Variants in PTPRO observed in about 807,000 individuals in gnomAD.
PTPRO encodes the protein receptor-type tyrosine-protein phosphatase O.
In PTPRO, 62 loss-of-function variants were observed where a neutral mutation model predicts 145.2. The observed-to-expected ratio is 0.43, with a 90% CI of 0.35 to 0.53. The LOEUF (loss-of-function observed/expected upper bound fraction) is 0.53. Among genes scored for constraint, PTPRO ranks in the 20% least tolerant of loss-of-function variants. The pLI, the probability that PTPRO is intolerant of heterozygous loss-of-function variation, is 0.01. For synonymous variants in PTPRO, 565 were observed against 514.7 expected, an observed-to-expected ratio of 1.10 and a Z score of -1.32; for missense variants, 1,345 against 1,482.7, an observed-to-expected ratio of 0.91 and a Z score of 1.53.
At position 15,598,005 on chromosome 12, in the gene PTPRO, A is replaced by T. The variant is rs552473277; in HGVS notation, c.*1932A>T. On this transcript the variant is annotated 3_prime_UTR_variant, in exon 27 of 27. Transcript: ENST00000281171. ...AACACTGCTGCTCAGAGCATACAGA[A>T]GTTTTGCATCCTGGAACATTGCTTC... 1.3e-5 allele frequency among the ~76,000 whole-genome samples: 2 copies of T among 152,318 alleles called. No homozygotes were observed. The highest frequency in any genetic ancestry group is 4.2e-4 in the South Asian group (2 of 4,818).
chr12:15,584,464 T>C (rs1369846134), intron 23 of PTPRO, among the ~76,000 whole-genome samples: 2 of 151,948 alleles, frequency 1.3e-5, no homozygotes, highest in Non-Finnish European at 2.9e-5. Context: ...CAAAGAAGAG[T>C]CACATAGATT....
intron 1 of PTPRO, among the ~76,000 whole-genome samples, chr12:15,470,537 G>A (rs1449914901): frequency 6.6e-6 from 1 of 152,102 alleles, no homozygotes; most frequent in Non-Finnish European, 1.5e-5. Context: ...CTGGCAGGTT[G>A]AATTCTTTCC....
chr12:15,546,821 T>A, intron 13 of PTPRO, 113 bp downstream of exon 13: 2 of 1,445,076 alleles, frequency 1.4e-6, no homozygotes, highest in South Asian at 1.2e-5. Context: ...ACTGTTTATT[T>A]GCTCTTTTGT....
chr12:15,575,942 CT>C (rs1944176038), intron 19 of PTPRO, among the ~76,000 whole-genome samples: 1 of 152,202 alleles, frequency 6.6e-6, no homozygotes, highest in African/African-American at 2.4e-5. Flanking sequence ...TTAATTACAA[CT>C]GCAAAGACAC....
intron 12 of PTPRO, among the ~76,000 whole-genome samples, chr12:15,527,504 T>C (rs1942865930): frequency 6.6e-6 from 1 of 152,188 alleles, no homozygotes; most frequent in Non-Finnish European, 1.5e-5. Context: ...TCCCAGCAAC[T>C]CTGCTCTGTA....
Position 15,453,034 on chromosome 12 carries a change from T to C in PTPRO, c.76-30940T>C, listed in dbSNP as rs189551616. 2.9e-3 allele frequency among the ~76,000 whole-genome samples: 439 copies of C among 152,288 alleles called. 1 individual carries two copies. The highest frequency in any genetic ancestry group is 6.9e-3 in the South Asian group (33 of 4,816). ...TGAAACACACATCCCTTTTTTTTTC[T>C]TGGTAGAAGAATAAGATTTCAAATT... is the stretch of plus-strand genomic sequence containing the variant. On this transcript the variant is annotated intron_variant, in intron 1 of 26. Transcript: ENST00000281171.
chr12:15,491,558 A>G (rs1463026447), intron 2 of PTPRO, among the ~76,000 whole-genome samples: 1 of 152,210 alleles, frequency 6.6e-6, no homozygotes, highest in African/African-American at 2.4e-5. Flanking sequence ...TTTTCATTAT[A>G]TGAGACACCT....
chr12:15,360,784 ATG>A (rs1491281002), intron 1 of PTPRO, among the ~76,000 whole-genome samples: 1 of 146,674 alleles, frequency 6.8e-6, no homozygotes, highest in African/African-American at 2.5e-5. Flanking sequence ...GTGTGTATAT[ATG>A]TGTGTATATG....
chr12:15,489,203 T>A (rs1349974710), intron 2 of PTPRO, among the ~76,000 whole-genome samples: 1 of 152,082 alleles, frequency 6.6e-6, no homozygotes, highest in Non-Finnish European at 1.5e-5. Context: ...TTACAAATAA[T>A]ATGATAACTG....
At chr12:15,460,988 AT>A (rs1335112286) in intron 1 of PTPRO, among the ~76,000 whole-genome samples, 67 of 152,270 alleles carry the variant, frequency 4.4e-4, no homozygotes, top group African/African-American at 1.5e-3. Flanking sequence ...GCACTCTTAA[AT>A]TTTAACTTGA....
chr12:15,564,432 A>C (rs976550621), intron 17 of PTPRO, among the ~76,000 whole-genome samples: 4 of 152,288 alleles, frequency 2.6e-5, no homozygotes, highest in African/African-American at 9.6e-5. Flanking sequence ...ATAAGCATTT[A>C]TTGACCACCC....
intron 12 of PTPRO, among the ~76,000 whole-genome samples, chr12:15,535,083 C>T (rs1046719016): frequency 6.6e-6 from 1 of 152,074 alleles, no homozygotes; most frequent in South Asian, 2.1e-4. Context: ...GCAACTAGGA[C>T]AAATGGTGGC....
intron 1 of PTPRO, among the ~76,000 whole-genome samples, chr12:15,354,247 T>G (rs1242285612): frequency 6.6e-6 from 1 of 152,200 alleles, no homozygotes; most frequent in Non-Finnish European, 1.5e-5. Context: ...GTAAACTGAT[T>G]TCTTTGTGGC....
intron 12 of PTPRO, among the ~76,000 whole-genome samples, chr12:15,540,217 A>T (rs1184750609): frequency 6.6e-6 from 1 of 152,242 alleles, no homozygotes; most frequent in Non-Finnish European, 1.5e-5. Flanking sequence ...TACATTGCAG[A>T]TGCTTCCTTT....
chr12:15,573,321 C>A (rs1944102620), intron 19 of PTPRO, among the ~76,000 whole-genome samples: 1 of 152,120 alleles, frequency 6.6e-6, no homozygotes, highest in Non-Finnish European at 1.5e-5. Flanking sequence ...AGCCACATTA[C>A]GTAGCATAAT....
chr12:15,549,214 G>A lies in PTPRO; in HGVS notation c.2425G>A (p.Val809Ile), dbSNP rs373300580. 48 of 1,605,982 alleles carry A rather than the reference G, an allele frequency of 3.0e-5. No homozygotes were observed. The highest frequency in any genetic ancestry group is 1.3e-4 in the African/African-American group (9 of 71,220). ...DSPSVPTFIAVSTMVTEMNPN... is the reference protein window; with the variant it reads ...DSPSVPTFIAISTMVTEMNPN... The stretch of plus-strand genomic sequence containing the variant: ...CCCCAGTGTCCCTACGTTCATAGCC[G>A]TCTCAACAATGGGTAATTATACACA... The change falls in exon 14 of 27, where the codon GTC becomes ATC. Residue 809 changes from valine (V) to isoleucine (I), a missense_variant. Transcript: ENST00000281171.
intron 12 of PTPRO, among the ~76,000 whole-genome samples, chr12:15,533,909 G>A (rs1048599107): frequency 6.6e-6 from 1 of 152,090 alleles, no homozygotes; most frequent in Non-Finnish European, 1.5e-5. Context: ...CTGTGTCATG[G>A]AGGGTAGGTT....
At chr12:15,434,217 GC>G (rs1042290823) in intron 1 of PTPRO, among the ~76,000 whole-genome samples, 17 of 152,104 alleles carry the variant, frequency 1.1e-4, no homozygotes, top group Non-Finnish European at 1.9e-4. Context: ...GTTTAAACTT[GC>G]CTTTTTAGTT....
chr12:15,387,268 A>G (rs1591765203), intron 1 of PTPRO, among the ~76,000 whole-genome samples: 1 of 151,782 alleles, frequency 6.6e-6, no homozygotes, highest in South Asian at 2.1e-4. Flanking sequence ...CATACACCCT[A>G]ACCTCCAAAA....
Sources: allele counts gnomAD v4.1 joint callset (sites outside exome capture counted in the v4.1 genomes callset), GRCh38; gene constraint gnomAD v4.1.1; transcripts MANE v1.5; gene names NCBI Gene and HGNC (gene_info 2026-07-23, HGNC 2026-07-21).